LHX5: variants seen among roughly 807,000 people sequenced by gnomAD.
The protein encoded by LHX5 is LIM/homeobox protein Lhx5.
Under a neutral mutation model 30.6 loss-of-function variants are expected in LHX5, and 5 were observed. That is an observed-to-expected ratio of 0.16 (90% confidence interval 0.09 to 0.34). The LOEUF (loss-of-function observed/expected upper bound fraction) is 0.34, where lower values mean the gene tolerates loss of function less well. LHX5 is among the 10% of genes least tolerant of loss of function. LHX5 has a pLI of 1.00. For missense variants in LHX5, 458 were observed against 570.6 expected (o/e 0.80, Z 2.01); for synonymous variants, 266 against 252.6 (o/e 1.05, Z -0.50).
intron 1 of LHX5, 144 bp from the exon 2 acceptor site, chr12:113,469,489 C>A: frequency 1.4e-6 from 1 of 698,110 alleles, no homozygotes; most frequent in Non-Finnish European, 2.4e-6. Context: ...AGCGCTCTGG[C>A]CAGAGTGGGA....
chr12:113,469,072 G>T, intron 2 of LHX5, 50 bp downstream of exon 2: 4 of 1,403,642 alleles, frequency 2.8e-6, no homozygotes, highest in South Asian at 1.3e-5. Flanking sequence ...GGCTGGGCAC[G>T]GTGGGAGGGT....
chr12:113,468,501 C>T, intron 2 of LHX5, 97 bp from the exon 3 acceptor site: 3 of 1,409,408 alleles, frequency 2.1e-6, no homozygotes, highest in Non-Finnish European at 2.9e-6. Context: ...AAGCTACGGC[C>T]TGCCCAGGCT....
chr12:113,469,478 GAGCGCTCTGGCC>G, intron 1 of LHX5, 133 bp from the exon 2 acceptor site: 1 of 766,306 alleles, frequency 1.3e-6, no homozygotes, highest in Non-Finnish European at 2.1e-6. Flanking sequence ...CCCCAATCCT[GAGCGCTCTGGCC>G]AGAGTGGGAG....
In LHX5 at chr12:113,469,311, C is replaced by A. The variant is rs747749976; in HGVS notation, c.208G>T (p.Gly70Cys). The A allele has an allele frequency of 1.2e-6, 2 of 1,613,922 alleles. No homozygotes were observed. The highest frequency in any genetic ancestry group is 2.2e-5 in the South Asian group (2 of 91,082). ...FGTKCAGCAQ[G>C]ISPSDLVRKA... The stretch of plus-strand genomic sequence containing the variant: ...CGCACCAGGTCGCTGGGCGAGATGC[C>A]TTGCGCGCAGCCGGCGCATTTCGTG... Residue 70 changes from glycine to cysteine, a missense_variant, in exon 2 of 5, where the codon GGC becomes TGC. Physicochemically the swap from Gly to Cys is radical, Grantham distance 159. Coordinates refer to ENST00000261731, the MANE Select transcript of LHX5 (RefSeq NM_022363.3).
Position 113,467,527 on chromosome 12 carries a change from C to G in LHX5, c.676-106G>C. On this transcript the variant is annotated intron_variant, in intron 3 of 4. Transcript: ENST00000261731. This position sits in a 1 kb window ranked among gnomAD's most constrained non-coding sequence, Gnocchi z 6.3. ...CCCTGCTGGGTCCTTGCGCCTCTTC[C>G]GCACCAGGACTCCCCCGAGGCGGGG... 1 of 1,060,558 alleles carries G rather than the reference C, an allele frequency of 9.4e-7. No homozygotes were observed. Among genetic ancestry groups the G allele is most frequent in the Non-Finnish European group, 1.3e-6 (1 of 784,432 alleles). 65.7% of individuals were successfully genotyped at this position (1,060,558 alleles called of 1,614,324 possible).
chr12:113,471,231 G>T, intron 1 of LHX5, 95 bp downstream of exon 1: 1 of 1,299,184 alleles, frequency 7.7e-7, no homozygotes, highest in South Asian at 1.3e-5. Context: ...GATCCGGGGA[G>T]GCTGGGATGG....
At chr12:113,468,645 T>A (rs561397410) in intron 2 of LHX5, among the ~76,000 whole-genome samples, 12 of 152,268 alleles carry the variant, frequency 7.9e-5, no homozygotes, top group Admixed American at 2.0e-4. Flanking sequence ...GCGTCTCAGC[T>A]AGTACCTGGG....
In LHX5 at chr12:113,467,324, A is replaced by C. The variant is rs905756486; in HGVS notation, c.773T>G (p.Met258Arg). ...RHAFFRSPRRMRPLGGRLDES... is the reference protein window; with the variant it reads ...RHAFFRSPRRRRPLGGRLDES... ...GTCCAAGCGGCCGCCCAGCGGACGC[A>C]TGCGCCGCGGACTCCGGAAGAAGGC... Residue 258 changes from methionine (M) to arginine (R), a missense_variant, in exon 4 of 5, where the codon ATG becomes AGG. Met to Arg is a moderately conservative substitution (Grantham distance 91, BLOSUM62 -1). Coordinates refer to ENST00000261731, the MANE Select transcript of LHX5 (RefSeq NM_022363.3). This position sits in a 1 kb window ranked among gnomAD's most constrained non-coding sequence, Gnocchi z 6.3. The C allele has an allele frequency of 1.9e-6, 3 of 1,577,960 alleles. No individual in the cohort carries two copies. Among genetic ancestry groups the C allele is most frequent in the African/African-American group, 2.7e-5 (2 of 74,320 alleles).
chr12:113,471,264 A>G, intron 1 of LHX5, 62 bp downstream of exon 1: 1 of 1,559,908 alleles, frequency 6.4e-7, no homozygotes, highest in South Asian at 1.2e-5. Flanking sequence ...CCCCTTCCCC[A>G]GCGCCCCAGT....
Position 113,467,684 on chromosome 12 carries a change from C to A in LHX5, c.676-263G>T, listed in dbSNP as rs1958223435. Among the ~76,000 whole-genome samples the A allele has an allele frequency of 6.6e-6, 1 of 152,220 alleles. No homozygotes were observed. Among genetic ancestry groups the A allele is most frequent in the South Asian group, 2.1e-4 (1 of 4,832 alleles). On this transcript the variant is annotated intron_variant, in intron 3 of 4. Transcript: ENST00000261731. The surrounding 1 kb of genome is among the most constrained non-coding windows in gnomAD (Gnocchi z 6.3). ...GGTCCCCGGCTCGCCCGCGGCCTGACGGCTCTATAAAGGCCTCCCTCCCGG... is the reference window on the plus strand; with the variant it reads ...GGTCCCCGGCTCGCCCGCGGCCTGAAGGCTCTATAAAGGCCTCCCTCCCGG...
intron 2 of LHX5, 140 bp from the exon 3 acceptor site, chr12:113,468,544 T>A: frequency 9.2e-7 from 1 of 1,082,824 alleles, no homozygotes; most frequent in Non-Finnish European, 1.3e-6. Context: ...CTCCCAAACC[T>A]GCGACAGCCC....
rs752606979 is a variant in LHX5 at position 113,468,275 on chromosome 12, G to A, written c.527C>T (p.Ser176Leu). 1.9e-6 allele frequency: 3 copies of A among 1,614,144 alleles called. No homozygotes were observed. The highest frequency in any genetic ancestry group is 4.5e-5 in the East Asian group (2 of 44,876). Residue 176 changes from serine (S) to leucine (L), a missense_variant, in exon 3 of 5, where the codon TCG becomes TTG. Transcript: ENST00000261731. ...GCGGGGGCCGCGCCGCTTGGTGCCC[G>A]AGTTCTGCTCCTCGTTCTCGTTGTT... ...TANNENEEQN[S>L]GTKRRGPRTT... is the part of the protein sequence containing the mutation.
At position 113,463,717 on chromosome 12, in the gene LHX5, C is replaced by T. The variant is rs1219765822; in HGVS notation, c.842-160G>A. ...CTGCGGAGGCCGGCGCCCCTTGAGA[C>T]GGTGGACGTCGCAGGCTCACGGGGA... On this transcript the variant is annotated intron_variant, in intron 4 of 4. Transcript: ENST00000261731. The surrounding 1 kb of genome is among the most constrained non-coding windows in gnomAD (Gnocchi z 6.7). 1.3e-5 allele frequency among the ~76,000 whole-genome samples: 2 copies of T among 152,038 alleles called. No individual in the cohort carries two copies. The highest frequency in any genetic ancestry group is 4.8e-5 in the African/African-American group (2 of 41,394).
In LHX5 at chr12:113,471,693, G is replaced by T. The variant is rs911590730; in HGVS notation, c.-195C>A. ...GCTGGGCTGCCCGGAGTGGGGTGGT[G>T]GGGGGCGGGTGGCGTTCACAACCTC... On this transcript the variant is annotated 5_prime_UTR_variant, in exon 1 of 5. Coordinates refer to ENST00000261731, the MANE Select transcript of LHX5 (RefSeq NM_022363.3). The T allele has an allele frequency of 3.7e-6, 2 of 545,480 alleles. No individual in the cohort carries two copies. The highest frequency in any genetic ancestry group is 6.3e-6 in the Non-Finnish European group (2 of 318,714). The allele number at this position is 545,480 out of a possible 1,614,324, so 33.8% of individuals were successfully genotyped here.
In LHX5 at chr12:113,467,254, ACCT is replaced by A; in HGVS notation, c.840_841+1del. ...AACAGCGAATCCCGGGGCGCCCCTT[ACCT>A]CCGTAGTAGGTGTACGGGGTGGACC... is the stretch of plus-strand genomic sequence containing the variant. On this transcript the variant is annotated splice_donor_variant and coding_sequence_variant, in exon 4 of 5. Transcript: ENST00000261731. LOFTEE classifies it high-confidence loss of function. This position sits in a 1 kb window ranked among gnomAD's most constrained non-coding sequence, Gnocchi z 6.3. The A allele has an allele frequency of 6.9e-7, 1 of 1,455,440 alleles. No homozygotes were observed. Among genetic ancestry groups the A allele is most frequent in the Non-Finnish European group, 9.2e-7 (1 of 1,091,982 alleles). 90.2% of individuals were successfully genotyped at this position (1,455,440 alleles called of 1,614,324 possible). A position where few individuals can be genotyped will look rare whatever the true frequency, so the allele number is the denominator to read the frequency against.
At position 113,469,343 on chromosome 12, in the gene LHX5, C is replaced by A; in HGVS notation, c.176G>T (p.Arg59Leu). 6.2e-7 allele frequency: 1 copy of A among 1,611,334 alleles called. No individual in the cohort carries two copies. Among genetic ancestry groups the A allele is most frequent in the Non-Finnish European group, 8.5e-7 (1 of 1,179,634 alleles). Residue 59 changes from arginine (R) to leucine (L), a missense_variant and splice_region_variant, in exon 2 of 5, where the codon CGC (arginine) becomes CTC (leucine). Coordinates refer to ENST00000261731, the MANE Select transcript of LHX5 (RefSeq NM_022363.3). Reference sequence around the variant, plus strand: ...GCAGCCGGCGCATTTCGTGCCAAAGCGCCTGTGGACACAATGTGCCTGTCA... The same window carrying A: ...GCAGCCGGCGCATTTCGTGCCAAAGAGCCTGTGGACACAATGTGCCTGTCA... ...KLYCKNDFFR[R>L]FGTKCAGCAQ...
At chr12:113,469,051 A>G (rs1958230772) in intron 2 of LHX5, 71 bp downstream of exon 2, 1 of 1,169,452 alleles carries the variant, frequency 8.6e-7, no homozygotes, top group Non-Finnish European at 1.2e-6. Context: ...GGGGCCAAGT[A>G]GGGAGTGCCA....
rs761448976 is a variant in LHX5 at position 113,463,597 on chromosome 12, A to G, written c.842-40T>C. 33 of 1,476,748 alleles carry G rather than the reference A, an allele frequency of 2.2e-5. No homozygotes were observed. In the South Asian group the frequency reaches 2.9e-4, roughly 13 times the overall value. 91.5% of individuals were successfully genotyped at this position (1,476,748 alleles called of 1,614,324 possible). A position where few individuals can be genotyped will look rare whatever the true frequency, so the allele number is the denominator to read the frequency against. On this transcript the variant is annotated intron_variant, in intron 4 of 4. Coordinates refer to ENST00000261731, the MANE Select transcript of LHX5 (RefSeq NM_022363.3). This position sits in a 1 kb window ranked among gnomAD's most constrained non-coding sequence, Gnocchi z 6.7. ...CGGGAAGGAGACAGGGCGCGGTGAG[A>G]GAAGGCGAAGTAGGCGGGGGACCCG... is the stretch of plus-strand genomic sequence containing the variant.
chr12:113,471,271 C>T (rs1268536359), intron 1 of LHX5, 55 bp downstream of exon 1: 4 of 1,591,008 alleles, frequency 2.5e-6, no homozygotes, highest in Non-Finnish European at 3.4e-6. Flanking sequence ...CCCAGCGCCC[C>T]AGTGGAGCGC....
Sources: gnomAD v4.1 joint callset for allele counts (sites outside exome capture counted in the v4.1 genomes callset) on GRCh38, gnomAD v4.1.1 for gene constraint, Gnocchi (gnomAD v3.1) non-coding constraint, MANE v1.5 for transcripts, NCBI Gene and HGNC (gene_info 2026-07-23, HGNC 2026-07-21) for gene names.